The following REXO4 variants were observed in gnomAD, a reference collection of about 807,000 sequenced individuals.
REXO4 encodes RNA exonuclease 4.
In REXO4, 29 loss-of-function variants were observed where a neutral mutation model predicts 39.9. The observed-to-expected ratio is 0.73, with a 90% CI of 0.54 to 0.99. The LOEUF is 0.99. Among genes scored for constraint, REXO4 ranks in the 50% least tolerant of loss-of-function variants. The pLI is 0.00. For synonymous variants in REXO4, 184 were observed against 206.2 expected (o/e 0.89, Z 0.92); for missense variants, 524 against 546.5 (o/e 0.96, Z 0.41).
chr9:133,417,218 T>C (rs782018828), intron 1 of REXO4, among the ~76,000 whole-genome samples: 8 of 152,330 alleles, frequency 5.3e-5, no homozygotes, highest in Non-Finnish European at 1.2e-4. Context: ...GGTTTCACCA[T>C]GTTGGCCGGG....
intron 5 of REXO4, among the ~76,000 whole-genome samples, chr9:133,410,607 C>G (rs940477708): frequency 3.3e-5 from 5 of 152,240 alleles, no homozygotes; most frequent in Admixed American, 3.3e-4. Context: ...GCAAGCGTAA[C>G]CTGAACATGG....
In REXO4 at chr9:133,414,800, C is replaced by A. The variant is rs377306235; in HGVS notation, c.437G>T (p.Arg146Leu). 6 of 1,614,042 alleles carry A rather than the reference C, an allele frequency of 3.7e-6. No homozygotes were observed. Among genetic ancestry groups the A allele is most frequent in the Admixed American group, 1.7e-5 (1 of 60,004 alleles). ...SKMDRRAPVP[R>L]TKASGTEHNK... Reference sequence around the variant, plus strand: ...GTGCTCTGTTCCACTGGCCTTGGTGCGAGGTACTGGCGCCCTCCTGTCCAT... The same window carrying A: ...GTGCTCTGTTCCACTGGCCTTGGTGAGAGGTACTGGCGCCCTCCTGTCCAT... The change falls in exon 2 of 8, where the codon CGC becomes CTC. Residue 146 changes from arginine to leucine, a missense_variant. Coordinates refer to ENST00000371942, the MANE Select transcript of REXO4 (RefSeq NM_020385.4).
intron 1 of REXO4, among the ~76,000 whole-genome samples, chr9:133,416,537 G>A (rs1468890363): frequency 2.6e-5 from 4 of 152,166 alleles, no homozygotes; most frequent in Non-Finnish European, 4.4e-5. Context: ...CTGGAGCCCA[G>A]GCAGCAGTGA....
At position 133,406,786 on chromosome 9, in the gene REXO4, C is replaced by T. The variant is rs1182464493; in HGVS notation, c.*167G>A. The stretch of plus-strand genomic sequence containing the variant: ...GACAGTAAGACCAGGTTTCAGACCA[C>T]AAAGTCAAGAGGAAGGAGGACCTTC... On this transcript the variant is annotated 3_prime_UTR_variant, in exon 8 of 8. Transcript: ENST00000371942. The T allele has an allele frequency of 3.9e-6, 4 of 1,024,052 alleles. No individual in the cohort carries two copies. The African/African-American group carries it at 6.4e-5, about 16-fold the overall frequency. The allele number at this position is 1,024,052 out of a possible 1,614,324, so 63.4% of individuals were successfully genotyped here.
rs373555030 is a variant in REXO4, at chr9:133,410,349, C to T, written c.999+636G>A. On this transcript the variant is annotated intron_variant, in intron 5 of 7. Transcript: ENST00000371942. ...CCCCCACCCTGTTCTCCTGTAAATA[C>T]ACACGTACTCGCTCTGCCTGACTCT... 3.3e-5 allele frequency among the ~76,000 whole-genome samples: 5 copies of T among 152,340 alleles called. No homozygotes were observed. The East Asian group carries it at 9.6e-4, about 29-fold the overall frequency.
At position 133,407,900 on chromosome 9, in the gene REXO4, C is replaced by G. The variant is rs781871611; in HGVS notation, c.1075-19G>C. The G allele has an allele frequency of 1.9e-6, 3 of 1,604,768 alleles. No homozygotes were observed. The highest frequency in any genetic ancestry group is 2.6e-6 in the Non-Finnish European group (3 of 1,173,254). Reference sequence around the variant, plus strand: ...TTCCACTCTGCAAAGGGGGAAGAGGCGGGTGGGGGCCTCTGCAGGCTCGGC... The same window carrying G: ...TTCCACTCTGCAAAGGGGGAAGAGGGGGGTGGGGGCCTCTGCAGGCTCGGC... On this transcript the variant is annotated intron_variant, in intron 6 of 7. Transcript: ENST00000371942.
intron 2 of REXO4, chr9:133,414,283 C>T: frequency 2.4e-6 from 1 of 413,106 alleles, no homozygotes; most frequent in Non-Finnish European, 4.8e-6. Context: ...AGAGTGCCAA[C>T]CTCACAATCT....
chr9:133,417,881 G>T lies in REXO4; in HGVS notation c.-37C>A, dbSNP rs1040514808. ...CCAGCGCCTGGGCCGGCGGCCACCC[G>T]AGACCCCGGCCTCCCCGGGCCCGGC... is the stretch of plus-strand genomic sequence containing the variant. On this transcript the variant is annotated 5_prime_UTR_variant, in exon 1 of 8. Coordinates refer to ENST00000371942, the MANE Select transcript of REXO4 (RefSeq NM_020385.4). 6.3e-7 allele frequency: 1 copy of T among 1,584,424 alleles called. No individual in the cohort carries two copies. The highest frequency in any genetic ancestry group is 8.5e-7 in the Non-Finnish European group (1 of 1,171,458).
upstream of REXO4, chr9:133,418,102 G>A (rs1554782178): frequency 3.9e-6 from 2 of 518,098 alleles, no homozygotes; most frequent in African/African-American, 4.0e-5. Flanking sequence ...GCGCAGCCTG[G>A]GCGGTTCACC....
chr9:133,410,027 C>T (rs1554779820), intron 5 of REXO4, among the ~76,000 whole-genome samples: 3 of 152,180 alleles, frequency 2.0e-5, no homozygotes, highest in African/African-American at 7.2e-5. Context: ...GGGGGGTTCT[C>T]ACCTCAGTTT....
intron 6 of REXO4, 44 bp from the exon 7 acceptor site, chr9:133,407,925 C>A: frequency 1.2e-5 from 18 of 1,510,784 alleles, no homozygotes; most frequent in Non-Finnish European, 1.6e-5. Flanking sequence ...GCAGGCTCGG[C>A]CCAAAGAGGG....
At position 133,412,775 on chromosome 9, in the gene REXO4, T is replaced by C. The variant is rs782224476; in HGVS notation, c.716+3A>G. 3.7e-6 allele frequency: 6 copies of C among 1,610,652 alleles called. No homozygotes were observed. The highest frequency in any genetic ancestry group is 5.1e-6 in the Non-Finnish European group (6 of 1,179,970). ...CAGACCCCACTCCCTGAGACCAGCG[T>C]ACCCGCCGAAGGCCTGCTCTTTCAC... On this transcript the variant is annotated splice_donor_region_variant and intron_variant, in intron 3 of 7. Transcript: ENST00000371942.
At chr9:133,415,401 A>G (rs1482258079) in intron 1 of REXO4, among the ~76,000 whole-genome samples, 1 of 149,570 alleles carries the variant, frequency 6.7e-6, no homozygotes, top group African/African-American at 2.4e-5. Context: ...ATCCTGCTAC[A>G]CAGAAATCGC....
rs1839269093 is a variant in REXO4, at chr9:133,412,460, A to G, written c.749T>C (p.Met250Thr). The G allele has an allele frequency of 3.1e-6, 5 of 1,614,018 alleles. No individual in the cohort carries two copies. The East Asian group carries it at 1.1e-4, about 36-fold the overall frequency. The change falls in exon 4 of 8, where the codon ATG (methionine) becomes ACG (threonine). Residue 250 changes from methionine (M) to threonine (T), a missense_variant. Met to Thr is a moderately conservative substitution (Grantham distance 81). Transcript: ENST00000371942. ...CTCCCCCTTAGGGCCCACGCCCACC[A>G]TCTCACAGTCCAAGGCTAAGGCTCT... Reference protein sequence around the residue: ...LTRALALDCEMVGVGPKGEES... With the variant: ...LTRALALDCETVGVGPKGEES...
At chr9:133,413,152 G>A (rs935552735) in intron 2 of REXO4, among the ~76,000 whole-genome samples, 4 of 152,098 alleles carry the variant, frequency 2.6e-5, no homozygotes, top group African/African-American at 9.7e-5. Flanking sequence ...AACCTGGAGT[G>A]CAGTGGCATG....
chr9:133,411,146 G>T, intron 4 of REXO4, 73 bp from the exon 5 acceptor site: 5 of 1,239,082 alleles, frequency 4.0e-6, no homozygotes, highest in Non-Finnish European at 5.9e-6. Flanking sequence ...AGGCAGCCCC[G>T]CTCCTACCCC....
chr9:133,408,661 A>G (rs1206123717), intron 6 of REXO4, 107 bp downstream of exon 6: 5 of 758,478 alleles, frequency 6.6e-6, no homozygotes, highest in East Asian at 5.1e-5. Context: ...GGTTAAAAGA[A>G]AAAACAAAAA....
intron 4 of REXO4, among the ~76,000 whole-genome samples, chr9:133,411,582 A>G (rs2130717978): frequency 6.6e-6 from 1 of 152,324 alleles, no homozygotes; most frequent in East Asian, 1.9e-4. Flanking sequence ...AACAGGGGTG[A>G]TTAGACCAAG....
At chr9:133,411,692 G>A (rs149324747) in intron 4 of REXO4, among the ~76,000 whole-genome samples, 146 of 152,186 alleles carry the variant, frequency 9.6e-4, no homozygotes, top group East Asian at 9.4e-3. Context: ...TTTGGGAGGC[G>A]GAGGCAGGCG....
Sources: gnomAD v4.1 joint callset for allele counts (sites outside exome capture counted in the v4.1 genomes callset) on GRCh38, gnomAD v4.1.1 for gene constraint, MANE v1.5 for transcripts, NCBI Gene and HGNC (gene_info 2026-07-23, HGNC 2026-07-21) for gene names.